The following SPG21 variants were observed in gnomAD, a reference collection of about 807,000 sequenced individuals.
The protein encoded by SPG21 is SPG21 abhydrolase domain containing, maspardin.
SPG21 carries 26 observed loss-of-function variants against 38.9 expected under a neutral mutation model. That is an observed-to-expected ratio of 0.67 (90% CI 0.49 to 0.93). The LOEUF (loss-of-function observed/expected upper bound fraction) is 0.93. Ranked by LOEUF, SPG21 falls within the 40% of genes least tolerant of loss-of-function variation. SPG21 has a pLI of 0.00. For missense variants in SPG21, 333 were observed against 376.5 expected (o/e 0.88, Z 0.96); for synonymous variants, 136 against 128.9 (o/e 1.05, Z -0.37).
At chr15:64,973,059 G>A (rs539806899) in intron 5 of SPG21, among the ~76,000 whole-genome samples, 1 of 152,120 alleles carries the variant, frequency 6.6e-6, no homozygotes, top group Non-Finnish European at 1.5e-5. Context: ...GAACTCTTGG[G>A]CTCAAGCGAT....
chr15:64,979,050 A>G (rs1340336140), intron 3 of SPG21, among the ~76,000 whole-genome samples: 1 of 152,264 alleles, frequency 6.6e-6, no homozygotes, highest in Non-Finnish European at 1.5e-5. Flanking sequence ...CAAATATTAA[A>G]TAAGTTCCAA....
At chr15:64,988,329 T>C (rs144960140) in intron 1 of SPG21, among the ~76,000 whole-genome samples, 159 of 152,348 alleles carry the variant, frequency 1.0e-3, no homozygotes, top group Middle Eastern at 0.01. Context: ...AAATCACCTT[T>C]ATCAATGTTT....
At chr15:64,988,568 C>T (rs1012605775) in intron 1 of SPG21, 1 of 152,198 alleles carries the variant, frequency 6.6e-6, no homozygotes. Context: ...ATCTATCCCT[C>T]TTTTCTTCAT....
At chr15:64,989,258 A>C (rs1006344906) in intron 1 of SPG21, 1 of 152,036 alleles carries the variant, frequency 6.6e-6, no homozygotes, top group Non-Finnish European at 1.5e-5. Context: ...CTCTGCTCAC[A>C]GTTCTTAAAA....
At chr15:64,985,193 A>C (rs1170074336) in intron 1 of SPG21, among the ~76,000 whole-genome samples, 1 of 152,224 alleles carries the variant, frequency 6.6e-6, no homozygotes, top group African/African-American at 2.4e-5. Context: ...TGCCCTTAGG[A>C]AAAAATGTGT....
rs79469374 is a variant in SPG21, at chr15:64,977,367, T to C, written c.226-812A>G. Among the ~76,000 whole-genome samples the C allele has an allele frequency of 7.6e-3, 1,154 of 152,080 alleles. 8 individuals are homozygous for C. The highest frequency in any genetic ancestry group is 0.026 in the African/African-American group (1,096 of 41,508). On this transcript the variant is annotated intron_variant, in intron 3 of 8. Coordinates refer to ENST00000204566, the MANE Select transcript of SPG21 (RefSeq NM_016630.7). ...GGCGTGAGTCACTCCACCCAGCTTG[T>C]TTGTTTTTGTGATAGGGTCTCACTC...
Position 64,977,226 on chromosome 15 carries a change from A to G in SPG21, c.226-671T>C, listed in dbSNP as rs144723782. Reference sequence around the variant, plus strand: ...ATTACAGATGTCCACCACCACACCCAGCTGATTTTTGTATTTTTAGTACAG... The same window carrying G: ...ATTACAGATGTCCACCACCACACCCGGCTGATTTTTGTATTTTTAGTACAG... On this transcript the variant is annotated intron_variant, in intron 3 of 8. Transcript: ENST00000204566. Among the ~76,000 whole-genome samples, 1,151 of 152,138 alleles carry G rather than the reference A, an allele frequency of 7.6e-3. 14 individuals are homozygous for G. The highest frequency in any genetic ancestry group is 0.027 in the African/African-American group (1,129 of 41,502).
At chr15:64,974,516 T>A in intron 5 of SPG21, 86 bp downstream of exon 5, 1 of 1,504,664 alleles carries the variant, frequency 6.6e-7, no homozygotes, top group Non-Finnish European at 9.2e-7. Context: ...GAAGTAGATA[T>A]AAGTCTTCCC....
At chr15:64,988,326 C>G (rs2086040026) in intron 1 of SPG21, among the ~76,000 whole-genome samples, 1 of 152,202 alleles carries the variant, frequency 6.6e-6, no homozygotes, top group African/African-American at 2.4e-5. Context: ...ACAAAATCAC[C>G]TTTATCAATG....
At chr15:64,980,505 G>A (rs1370169282) in intron 3 of SPG21, among the ~76,000 whole-genome samples, 2 of 152,140 alleles carry the variant, frequency 1.3e-5, no homozygotes, top group Non-Finnish European at 2.9e-5. Flanking sequence ...TTGCGAGGCT[G>A]AGGTGGATGA....
In SPG21 at chr15:64,977,526, T is replaced by C. The variant is rs1052523571; in HGVS notation, c.226-971A>G. Among the ~76,000 whole-genome samples, 32 of 152,184 alleles carry C rather than the reference T, an allele frequency of 2.1e-4. No homozygotes were observed. The East Asian group carries it at 5.2e-3, about 25-fold the overall frequency. On this transcript the variant is annotated intron_variant, in intron 3 of 8. Transcript: ENST00000204566. ...GGCATGCACCACCATGCCTGGCTAATTTTTATATGTATACTTTTTTGTAGA... is the reference window on the plus strand; with the variant it reads ...GGCATGCACCACCATGCCTGGCTAACTTTTATATGTATACTTTTTTGTAGA...
At chr15:64,971,830 T>C (rs941635570) in intron 5 of SPG21, among the ~76,000 whole-genome samples, 2 of 152,066 alleles carry the variant, frequency 1.3e-5, no homozygotes, top group African/African-American at 2.4e-5. Context: ...GACTCCCATC[T>C]CAAAAAAGAA....
chr15:64,978,219 G>A (rs1340683201), intron 3 of SPG21, among the ~76,000 whole-genome samples: 6 of 151,838 alleles, frequency 4.0e-5, no homozygotes, highest in East Asian at 3.9e-4. Flanking sequence ...AGGCCGAGGC[G>A]GGTGAATCAC....
intron 3 of SPG21, 35 bp from the exon 4 acceptor site, chr15:64,976,590 C>T: frequency 2.0e-6 from 3 of 1,538,144 alleles, no homozygotes; most frequent in Non-Finnish European, 2.7e-6. Flanking sequence ...TTTTAAAAAT[C>T]ATAAAAGTAA....
chr15:64,980,283 A>G (rs1183199113), intron 3 of SPG21, among the ~76,000 whole-genome samples: 1 of 152,128 alleles, frequency 6.6e-6, no homozygotes, highest in Non-Finnish European at 1.5e-5. Flanking sequence ...GAGTTGAGAG[A>G]AGGGCGTCAG....
At chr15:64,969,635 C>T (rs1265367073) in intron 6 of SPG21, among the ~76,000 whole-genome samples, 1 of 151,836 alleles carries the variant, frequency 6.6e-6, no homozygotes, top group African/African-American at 2.4e-5. Flanking sequence ...GCCAGGTGCC[C>T]ATGGGCAGCA....
At chr15:64,964,314 G>A (rs979256464) in intron 8 of SPG21, among the ~76,000 whole-genome samples, 1 of 152,188 alleles carries the variant, frequency 6.6e-6, no homozygotes, top group Non-Finnish European at 1.5e-5. Context: ...CTCATGAGAT[G>A]TTTACCCTTC....
chr15:64,973,296 C>T (rs955135843), intron 5 of SPG21, among the ~76,000 whole-genome samples: 3 of 152,016 alleles, frequency 2.0e-5, no homozygotes, highest in Non-Finnish European at 4.4e-5. Flanking sequence ...GCTAGAGCCT[C>T]GCCTTGCCAG....
At chr15:64,983,155 G>T in intron 2 of SPG21, 1 of 277,584 alleles carries the variant, frequency 3.6e-6, no homozygotes, top group South Asian at 2.9e-5. Context: ...CTACTTGGCA[G>T]GTTGAGGCAG....
Sources: allele counts gnomAD v4.1 joint callset (sites outside exome capture counted in the v4.1 genomes callset), GRCh38; gene constraint gnomAD v4.1.1; transcripts MANE v1.5; gene names NCBI Gene and HGNC (gene_info 2026-07-23, HGNC 2026-07-21).